TBC1D15: variants seen among roughly 807,000 people sequenced by gnomAD.
TBC1D15 encodes GAP for RAB7.
TBC1D15 carries 39 observed loss-of-function variants against 95.4 expected under a neutral mutation model. The ratio of observed to expected loss-of-function variants is 0.41; its 90% CI spans 0.32 to 0.53. The LOEUF (loss-of-function observed/expected upper bound fraction) is 0.53, where lower values mean the gene tolerates loss of function less well. TBC1D15 is among the 20% of genes least tolerant of loss of function. The pLI is 0.29. For synonymous variants in TBC1D15, 258 were observed against 261.3 expected (o/e 0.99, Z 0.12); for missense variants, 733 against 794.3 (o/e 0.92, Z 0.93).
intron 1 of TBC1D15, among the ~76,000 whole-genome samples, chr12:71,866,401 T>C (rs998326259): frequency 6.6e-6 from 1 of 152,218 alleles, no homozygotes; most frequent in Non-Finnish European, 1.5e-5. Context: ...GTGAAGTCTG[T>C]AGGTGTCTAA....
intron 4 of TBC1D15, among the ~76,000 whole-genome samples, chr12:71,881,772 C>G (rs1009356871): frequency 6.6e-6 from 1 of 152,016 alleles, no homozygotes; most frequent in Middle Eastern, 3.4e-3. Context: ...AAAAAATTAG[C>G]CGGGCGTGGT....
At chr12:71,844,141 C>T (rs1442248810) in intron 1 of TBC1D15, among the ~76,000 whole-genome samples, 1 of 152,188 alleles carries the variant, frequency 6.6e-6, no homozygotes, top group African/African-American at 2.4e-5. Context: ...TCCTCATCCC[C>T]ACTACCATTG....
At chr12:71,885,577 T>C (rs1245945291) in intron 5 of TBC1D15, among the ~76,000 whole-genome samples, 1 of 152,214 alleles carries the variant, frequency 6.6e-6, no homozygotes, top group African/African-American at 2.4e-5. Context: ...TTGCTTGATA[T>C]TTAGTAGTGA....
At chr12:71,853,287 G>C (rs913152194) in intron 1 of TBC1D15, among the ~76,000 whole-genome samples, 1 of 152,160 alleles carries the variant, frequency 6.6e-6, no homozygotes, top group Non-Finnish European at 1.5e-5. Context: ...ACAGCACCAA[G>C]GGAGATGGTG....
rs1367671075 is a variant in TBC1D15 at position 71,840,284 on chromosome 12, C to T, written c.30+473C>T. 2.0e-5 allele frequency among the ~76,000 whole-genome samples: 3 copies of T among 152,164 alleles called. No homozygotes were observed. The East Asian group carries it at 5.8e-4, about 29-fold the overall frequency. ...AGCTGAATAGATGCTAGGCAGCTAGCTGTGCGCTTAGAAGAAACGAGTGTA... is the reference window on the plus strand; with the variant it reads ...AGCTGAATAGATGCTAGGCAGCTAGTTGTGCGCTTAGAAGAAACGAGTGTA... On this transcript the variant is annotated intron_variant, in intron 1 of 16. Coordinates refer to ENST00000485960, the MANE Select transcript of TBC1D15 (RefSeq NM_001146213.3).
intron 1 of TBC1D15, chr12:71,861,274 G>A (rs755930686): frequency 3.0e-5 from 13 of 440,004 alleles, no homozygotes; most frequent in Non-Finnish European, 5.1e-5. Context: ...AGTTTGGGAA[G>A]AATTGACATT....
intron 14 of TBC1D15, among the ~76,000 whole-genome samples, chr12:71,920,081 A>C (rs1357249799): frequency 6.6e-6 from 1 of 152,136 alleles, no homozygotes; most frequent in African/African-American, 2.4e-5. Flanking sequence ...TCTTTGTGGA[A>C]AATATATTAT....
Position 71,880,593 on chromosome 12 carries a change from C to G in TBC1D15, c.329C>G (p.Pro110Arg). Residue 110 changes from proline to arginine, a missense_variant, in exon 4 of 17, where the codon CCA (proline) becomes CGA (arginine). Pro to Arg is a moderately radical substitution (Grantham distance 103). Coordinates refer to ENST00000485960, the MANE Select transcript of TBC1D15 (RefSeq NM_001146213.3). ...AATACAGTTTCATTTAAAAGGAAAC[C>G]ACATACCAATGGAGGTATGAATTAA... is the stretch of plus-strand genomic sequence containing the variant. ...MVNTVSFKRK[P>R]HTNGDAPSHR... 4 of 1,608,746 alleles carry G rather than the reference C, an allele frequency of 2.5e-6. No individual in the cohort carries two copies. The highest frequency in any genetic ancestry group is 3.4e-6 in the Non-Finnish European group (4 of 1,177,708).
At chr12:71,852,209 G>C (rs1402201071) in intron 1 of TBC1D15, among the ~76,000 whole-genome samples, 4 of 152,184 alleles carry the variant, frequency 2.6e-5, no homozygotes, top group Non-Finnish European at 5.9e-5. Flanking sequence ...AGCTTTACCT[G>C]GGCCCTTTTG....
At chr12:71,850,155 A>G (rs1036773379) in intron 1 of TBC1D15, 15 of 558,824 alleles carry the variant, frequency 2.7e-5, no homozygotes, top group African/African-American at 9.6e-5. Flanking sequence ...TAATCATATT[A>G]TTTCTGGCTG....
chr12:71,880,659 TAAAC>T (rs1592750957), intron 4 of TBC1D15, 52 bp downstream of exon 4: 2 of 1,509,434 alleles, frequency 1.3e-6, no homozygotes, highest in Non-Finnish European at 1.8e-6. Flanking sequence ...AGTATACTAA[TAAAC>T]AAAAATGCAA....
chr12:71,866,987 CAT>C (rs1340997190), intron 1 of TBC1D15, among the ~76,000 whole-genome samples: 4 of 152,190 alleles, frequency 2.6e-5, no homozygotes, highest in East Asian at 3.9e-4. Flanking sequence ...ACAGATATGT[CAT>C]ATGAATAAAA....
intron 1 of TBC1D15, among the ~76,000 whole-genome samples, chr12:71,860,386 C>T (rs1426698123): frequency 6.6e-6 from 1 of 152,180 alleles, no homozygotes; most frequent in Non-Finnish European, 1.5e-5. Flanking sequence ...AATCTATGAA[C>T]ATGGATGCCT....
chr12:71,840,269 A>G (rs328765), intron 1 of TBC1D15, among the ~76,000 whole-genome samples: 29,859 of 152,152 alleles, frequency 0.2, 3,275 homozygotes, highest in South Asian at 0.3. Flanking sequence ...AGCTGAATAG[A>G]TGCTAGGCAG....
intron 1 of TBC1D15, chr12:71,841,157 T>G (rs952377860): frequency 3.3e-5 from 5 of 152,154 alleles, no homozygotes; most frequent in Non-Finnish European, 7.3e-5. Context: ...TCCTGTTTGA[T>G]TTTCCATCTA....
chr12:71,894,979 T>C (rs1197710385), intron 7 of TBC1D15, 96 bp downstream of exon 7: 1 of 1,197,786 alleles, frequency 8.3e-7, no homozygotes, highest in Non-Finnish European at 1.2e-6. Flanking sequence ...TCTGCTTCTT[T>C]CCATAATCTG....
intron 1 of TBC1D15, 50 bp downstream of exon 1, chr12:71,839,861 G>A: frequency 6.2e-7 from 1 of 1,609,690 alleles, no homozygotes; most frequent in Admixed American, 1.7e-5. Context: ...GGACGGGGAT[G>A]CTTTTGCTCC....
chr12:71,896,773 C>G lies in TBC1D15; in HGVS notation c.1081C>G (p.Gln361Glu), dbSNP rs1283226138. The G allele has an allele frequency of 2.5e-6, 4 of 1,603,324 alleles. No individual in the cohort carries two copies. The highest frequency in any genetic ancestry group is 3.4e-6 in the Non-Finnish European group (4 of 1,176,068). ...GGAGGAAAGAACCCAATTACAAAAG[C>G]AAAAAACGTAAGTAATGGTCTTTCG... ...TKEERTQLQKQKTDEYFRMKL... is the reference protein window; with the variant it reads ...TKEERTQLQKEKTDEYFRMKL... Residue 361 changes from glutamine to glutamate, a missense_variant, in exon 9 of 17, where the codon CAA becomes GAA. Physicochemically the swap from Gln to Glu is conservative, Grantham distance 29. Transcript: ENST00000485960.
At position 71,877,782 on chromosome 12, in the gene TBC1D15, C is replaced by T. The variant is rs1189156020; in HGVS notation, c.205-2687C>T. ...TTACTGAGGAGTTTAAGGATAGCTT[C>T]TTAGATGTTTTTCATCTCCCTATGT... is the stretch of plus-strand genomic sequence containing the variant. On this transcript the variant is annotated intron_variant, in intron 3 of 16. Transcript: ENST00000485960. Among the ~76,000 whole-genome samples, 3 of 152,202 alleles carry T rather than the reference C, an allele frequency of 2.0e-5. No homozygotes were observed. The South Asian group carries it at 6.2e-4, about 32-fold the overall frequency.
Sources: allele counts gnomAD v4.1 joint callset (sites outside exome capture counted in the v4.1 genomes callset), GRCh38; gene constraint gnomAD v4.1.1; transcripts MANE v1.5; gene names NCBI Gene and HGNC (gene_info 2026-07-23, HGNC 2026-07-21).